The following YEATS2 variants were observed in gnomAD, a reference collection of about 807,000 sequenced individuals.
YEATS2 encodes YEATS domain containing 2.
Under a neutral mutation model 163.2 loss-of-function variants are expected in YEATS2, and 77 were observed. The observed-to-expected ratio is 0.47, with a 90% CI of 0.39 to 0.57. The LOEUF (loss-of-function observed/expected upper bound fraction) is 0.57, where lower values mean the gene tolerates loss of function less well. Ranked by LOEUF, YEATS2 falls within the 20% of genes least tolerant of loss-of-function variation. The probability of loss-of-function intolerance (pLI) is 0.00; values close to 1 mark genes in which losing one functional copy is unlikely to be tolerated. For synonymous variants in YEATS2, 631 were observed against 645.1 expected (o/e 0.98, Z 0.33); for missense variants, 1,549 against 1,729.8 (o/e 0.90, Z 1.85).
chr3:183,701,439 T>G (rs1714085625), intron 1 of YEATS2, among the ~76,000 whole-genome samples: 1 of 151,908 alleles, frequency 6.6e-6, no homozygotes, highest in Non-Finnish European at 1.5e-5. Context: ...CAGGCTGGAG[T>G]GCAGTGATGC....
intron 9 of YEATS2, among the ~76,000 whole-genome samples, chr3:183,748,898 C>G (rs1426402151): frequency 6.6e-6 from 1 of 152,072 alleles, no homozygotes; most frequent in African/African-American, 2.4e-5. Flanking sequence ...TGCGCCCAGC[C>G]TTGGTTCATA....
chr3:183,699,830 A>G (rs1163284125), intron 1 of YEATS2, among the ~76,000 whole-genome samples: 1 of 152,186 alleles, frequency 6.6e-6, no homozygotes, highest in Non-Finnish European at 1.5e-5. Flanking sequence ...TGAGATGTTC[A>G]TTAAGATTGT....
chr3:183,734,746 ATGAT>A (rs543068461), intron 7 of YEATS2, among the ~76,000 whole-genome samples: 1 of 152,164 alleles, frequency 6.6e-6, no homozygotes, highest in Non-Finnish European at 1.5e-5. Flanking sequence ...TGCTAAAAGA[ATGAT>A]TGGCCATATG....
chr3:183,750,595 T>G (rs998980725), intron 9 of YEATS2, among the ~76,000 whole-genome samples: 1 of 152,208 alleles, frequency 6.6e-6, no homozygotes, highest in Non-Finnish European at 1.5e-5. Flanking sequence ...TTGTTAATTT[T>G]TTTTGTATTT....
intron 19 of YEATS2, among the ~76,000 whole-genome samples, chr3:183,782,202 C>T (rs1386043585): frequency 1.5e-4 from 23 of 151,768 alleles, no homozygotes; most frequent in East Asian, 7.8e-4. Flanking sequence ...CTCTGCCTCC[C>T]GGGTTCAAGC....
intron 20 of YEATS2, among the ~76,000 whole-genome samples, chr3:183,789,521 G>A (rs1724382471): frequency 1.1e-5 from 1 of 91,930 alleles, no homozygotes; most frequent in South Asian, 4.2e-4. Flanking sequence ...ATTCATTCGA[G>A]TTAATTTTTT....
At chr3:183,720,938 C>G (rs778940940) in intron 4 of YEATS2, among the ~76,000 whole-genome samples, 1 of 152,150 alleles carries the variant, frequency 6.6e-6, no homozygotes, top group East Asian at 1.9e-4. Flanking sequence ...TGTGTCTTCT[C>G]TGTGTGTCTG....
At chr3:183,757,012 A>G (rs1376813726) in intron 12 of YEATS2, among the ~76,000 whole-genome samples, 4 of 152,044 alleles carry the variant, frequency 2.6e-5, no homozygotes, top group African/African-American at 9.7e-5. Context: ...TGTGGTTACT[A>G]CCTCTTCCAA....
intron 7 of YEATS2, among the ~76,000 whole-genome samples, chr3:183,732,228 A>G (rs530472042): frequency 6.6e-6 from 1 of 151,390 alleles, no homozygotes; most frequent in East Asian, 2.0e-4. Flanking sequence ...AGGCAGGTGG[A>G]TCACGAGATC....
intron 1 of YEATS2, among the ~76,000 whole-genome samples, chr3:183,710,052 C>T (rs938406498): frequency 6.6e-6 from 1 of 152,102 alleles, no homozygotes; most frequent in African/African-American, 2.4e-5. Flanking sequence ...CATTTATTTC[C>T]GTATTCAGTT....
chr3:183,811,191 G>A lies in YEATS2; in HGVS notation c.*608G>A. Reference sequence around the variant, plus strand: ...TGAGCAGAATTCCTTTTTTGAGCACGAGAGCATTACTAGAACCATTGTCAA... The same window carrying A: ...TGAGCAGAATTCCTTTTTTGAGCACAAGAGCATTACTAGAACCATTGTCAA... On this transcript the variant is annotated 3_prime_UTR_variant, in exon 31 of 31. Transcript: ENST00000305135. The A allele has an allele frequency of 6.5e-6, 1 of 153,314 alleles. No homozygotes were observed. The highest frequency in any genetic ancestry group is 6.5e-5 in the Admixed American group (1 of 15,410). 9.5% of individuals were successfully genotyped at this position (153,314 alleles called of 1,614,324 possible).
rs771206766 is a variant in YEATS2 at position 183,754,251 on chromosome 3, G to C, written c.1276G>C (p.Ala426Pro). The C allele has an allele frequency of 3.7e-6, 6 of 1,614,132 alleles. No homozygotes were observed. The highest frequency in any genetic ancestry group is 2.2e-5 in the East Asian group (1 of 44,880). The change falls in exon 11 of 31, where the codon GCT becomes CCT. Residue 426 changes from alanine to proline, a missense_variant. Ala to Pro is a conservative substitution (Grantham distance 27). Transcript: ENST00000305135. ...TACCTTTTGTTCCCATGGCAATTCA[G>C]CTTTCCAGCCAATAGCATCAAGCTG... Reference protein sequence around the residue: ...KVTFCSHGNSAFQPIASSCKI... With the variant: ...KVTFCSHGNSPFQPIASSCKI...
At chr3:183,720,859 G>C (rs957427809) in intron 4 of YEATS2, among the ~76,000 whole-genome samples, 1 of 152,138 alleles carries the variant, frequency 6.6e-6, no homozygotes, top group Non-Finnish European at 1.5e-5. Context: ...TCTTGAGGTT[G>C]CTGCCAATCC....
intron 4 of YEATS2, 56 bp downstream of exon 4, chr3:183,718,648 G>C: frequency 7.4e-7 from 1 of 1,344,562 alleles, no homozygotes; most frequent in Non-Finnish European, 1.0e-6. Context: ...TTGTCTGAGG[G>C]GAAGTTATGT....
At chr3:183,765,050 A>G (rs1286223672) in intron 15 of YEATS2, among the ~76,000 whole-genome samples, 1 of 152,122 alleles carries the variant, frequency 6.6e-6, no homozygotes, top group East Asian at 1.9e-4. Context: ...ACAGCATCTC[A>G]TTTGACTTTG....
chr3:183,718,045 T>G (rs1289471284), intron 3 of YEATS2, among the ~76,000 whole-genome samples: 1 of 152,142 alleles, frequency 6.6e-6, no homozygotes, highest in African/African-American at 2.4e-5. Context: ...TAAAAATAAT[T>G]AAAAGAGTAA....
In YEATS2 at chr3:183,783,371, G is replaced by C. The variant is rs116887895; in HGVS notation, c.2737-2754G>C. ...CAGATTTCAGCAAACTACAGCCAAG[G>C]CTTCCTGTTTGCGTTGTTGCTGCTG... is the stretch of plus-strand genomic sequence containing the variant. On this transcript the variant is annotated intron_variant, in intron 19 of 30. Coordinates refer to ENST00000305135, the MANE Select transcript of YEATS2 (RefSeq NM_018023.5). 0.011 allele frequency among the ~76,000 whole-genome samples: 1,751 copies of C among 152,290 alleles called. 65 individuals are homozygous for C. In the East Asian group the frequency reaches 0.14, roughly 12 times the overall value.
At chr3:183,786,679 T>A (rs780910953) in intron 20 of YEATS2, among the ~76,000 whole-genome samples, 2 of 152,208 alleles carry the variant, frequency 1.3e-5, no homozygotes, top group Non-Finnish European at 2.9e-5. Context: ...ACATGCCCTT[T>A]TGGGTCTGCT....
chr3:183,775,985 C>A lies in YEATS2; in HGVS notation c.2439C>A (p.Gly813=), dbSNP rs375455861. Residue 813 remains glycine (G), a synonymous_variant, in exon 18 of 31, where the codon GGC becomes GGA. Transcript: ENST00000305135. ...AGGGGGGGGG[G]GSGSGGGGST... The stretch of plus-strand genomic sequence containing the variant: ...GAGGAGGAGGAGGAGGAGGAGGAGG[C>A]GGCAGTGGCAGCGGTGGAGGCGGCA... 6 of 1,603,604 alleles carry A rather than the reference C, an allele frequency of 3.7e-6. No individual in the cohort carries two copies. The highest frequency in any genetic ancestry group is 4.3e-6 in the Non-Finnish European group (5 of 1,175,008).
Sources: gnomAD v4.1 joint callset for allele counts (sites outside exome capture counted in the v4.1 genomes callset) on GRCh38, gnomAD v4.1.1 for gene constraint, MANE v1.5 for transcripts, NCBI Gene and HGNC (gene_info 2026-07-23, HGNC 2026-07-21) for gene names.